The following ELMO1 variants were observed in gnomAD, a reference collection of about 807,000 sequenced individuals.
ELMO1 encodes the protein engulfment and cell motility 1.
Under a neutral mutation model 98.9 loss-of-function variants are expected in ELMO1, and 26 were observed. That is an observed-to-expected ratio of 0.26 (90% CI 0.19 to 0.36). The LOEUF (loss-of-function observed/expected upper bound fraction) is 0.36. Ranked by LOEUF, ELMO1 falls within the 10% of genes least tolerant of loss-of-function variation. The probability of loss-of-function intolerance (pLI) is 1.00; values close to 1 mark genes in which losing one functional copy is unlikely to be tolerated. For missense variants in ELMO1, 627 were observed against 935.2 expected, an observed-to-expected ratio of 0.67 and a Z score of 4.30; for synonymous variants, 346 against 346.0, an observed-to-expected ratio of 1.00 and a Z score of 0.00.
chr7:37,193,003 A>G (rs1001669153), intron 13 of ELMO1, among the ~76,000 whole-genome samples: 5 of 82,352 alleles, frequency 6.1e-5, no homozygotes, highest in Non-Finnish European at 7.1e-5. Flanking sequence ...ATATATATAT[A>G]TATATACACA....
chr7:37,401,635 G>T (rs180769264), intron 1 of ELMO1, among the ~76,000 whole-genome samples: 35 of 152,312 alleles, frequency 2.3e-4, no homozygotes, highest in Admixed American at 1.2e-3. Context: ...TGAAGGAGAA[G>T]AATTCAGGCA....
intron 18 of ELMO1, among the ~76,000 whole-genome samples, chr7:36,882,890 T>C (rs1804600121): frequency 6.6e-6 from 1 of 152,268 alleles, no homozygotes; most frequent in Non-Finnish European, 1.5e-5. Flanking sequence ...TATTCTGACC[T>C]ATTGGGAAGT....
At chr7:36,922,983 TCTCA>T (rs1322132506) in intron 16 of ELMO1, among the ~76,000 whole-genome samples, 2 of 152,156 alleles carry the variant, frequency 1.3e-5, no homozygotes, top group African/African-American at 2.4e-5. Flanking sequence ...TCTCTAGGGA[TCTCA>T]CTGTCACAGC....
chr7:37,346,009 CA>C (rs751352268), intron 1 of ELMO1, among the ~76,000 whole-genome samples: 164 of 147,800 alleles, frequency 1.1e-3, no homozygotes, highest in Non-Finnish European at 2.1e-3. Flanking sequence ...AAAAAAAAGA[CA>C]TCTGAGAGGT....
intron 13 of ELMO1, among the ~76,000 whole-genome samples, chr7:37,135,949 T>C (rs938631588): frequency 7.2e-5 from 11 of 152,294 alleles, no homozygotes; most frequent in Admixed American, 3.3e-4. Context: ...CAGAGAAAGT[T>C]GAGGTCCAAT....
At chr7:36,978,508 C>G (rs1236939241) in intron 16 of ELMO1, among the ~76,000 whole-genome samples, 3 of 151,678 alleles carry the variant, frequency 2.0e-5, no homozygotes, top group Admixed American at 2.0e-4. Context: ...TGTGAAAGAA[C>G]CAAAAATGTA....
intron 15 of ELMO1, among the ~76,000 whole-genome samples, chr7:37,058,499 G>A (rs760848762): frequency 6.8e-4 from 103 of 152,270 alleles, no homozygotes; most frequent in Non-Finnish European, 1.1e-3. Flanking sequence ...CCAACCAGAA[G>A]TGGGCAGAGA....
intron 15 of ELMO1, among the ~76,000 whole-genome samples, chr7:37,023,873 C>T (rs1392830936): frequency 1.3e-5 from 2 of 152,106 alleles, no homozygotes; most frequent in Admixed American, 6.5e-5. Flanking sequence ...CATGAGCCAC[C>T]GGCCTATGAA....
intron 13 of ELMO1, among the ~76,000 whole-genome samples, chr7:37,177,331 T>A (rs1002893925): frequency 6.6e-6 from 1 of 152,026 alleles, no homozygotes; most frequent in African/African-American, 2.4e-5. Flanking sequence ...ATTAAAAACA[T>A]CATGAGCACA....
At chr7:37,442,963 C>T (rs1026068224) in intron 1 of ELMO1, among the ~76,000 whole-genome samples, 2 of 152,234 alleles carry the variant, frequency 1.3e-5, no homozygotes, top group African/African-American at 2.4e-5. Context: ...CTCAGATGCA[C>T]TCTCTAAGTA....
At chr7:37,064,587 T>C (rs1796852758) in intron 15 of ELMO1, among the ~76,000 whole-genome samples, 1 of 152,180 alleles carries the variant, frequency 6.6e-6, no homozygotes. Flanking sequence ...TGCAGAACAG[T>C]GTTTGGCACA....
Position 36,974,917 on chromosome 7 carries a change from C to T in ELMO1, c.1437+38382G>A, listed in dbSNP as rs372794397. On this transcript the variant is annotated intron_variant, in intron 16 of 21. Coordinates refer to ENST00000310758, the MANE Select transcript of ELMO1 (RefSeq NM_014800.11). ...TAAGAGCTGTAACACTCACTGCGAA[C>T]GTCTGCAACTTCACTCCTGAGCCAG... Among the ~76,000 whole-genome samples, 62 of 151,726 alleles carry T rather than the reference C, an allele frequency of 4.1e-4. 1 individual carries two copies. Among genetic ancestry groups the T allele is most frequent in the African/African-American group, 1.4e-3 (60 of 41,396 alleles).
At chr7:37,079,118 G>A (rs1045996347) in intron 15 of ELMO1, among the ~76,000 whole-genome samples, 1 of 152,164 alleles carries the variant, frequency 6.6e-6, no homozygotes, top group Non-Finnish European at 1.5e-5. Context: ...TAAAGACAGA[G>A]ATATAGGTCT....
At chr7:37,167,257 A>C (rs1350881917) in intron 13 of ELMO1, among the ~76,000 whole-genome samples, 1 of 152,000 alleles carries the variant, frequency 6.6e-6, no homozygotes, top group African/African-American at 2.4e-5. Context: ...GGGTTTCCTG[A>C]ATACAGCACA....
At chr7:37,103,624 A>G (rs1784767304) in intron 14 of ELMO1, among the ~76,000 whole-genome samples, 1 of 152,068 alleles carries the variant, frequency 6.6e-6, no homozygotes, top group Non-Finnish European at 1.5e-5. Context: ...ACATGTATAC[A>G]TATGTAACTA....
At chr7:36,978,194 T>G (rs1268809030) in intron 16 of ELMO1, among the ~76,000 whole-genome samples, 1 of 152,146 alleles carries the variant, frequency 6.6e-6, no homozygotes, top group Non-Finnish European at 1.5e-5. Context: ...ATAAGGTAAC[T>G]GCATGCTACT....
chr7:37,051,621 C>T (rs946125297), intron 15 of ELMO1, among the ~76,000 whole-genome samples: 2 of 151,440 alleles, frequency 1.3e-5, no homozygotes, highest in African/African-American at 4.9e-5. Flanking sequence ...CTCACATGAA[C>T]TGTGGAAAGC....
chr7:37,389,810 A>G (rs186595511), intron 1 of ELMO1, among the ~76,000 whole-genome samples: 159 of 151,994 alleles, frequency 1.0e-3, no homozygotes, highest in Non-Finnish European at 1.5e-3. Context: ...AGAATGAAGC[A>G]CGGGCATCCC....
At chr7:37,284,639 T>C (rs1156264188) in intron 4 of ELMO1, among the ~76,000 whole-genome samples, 1 of 152,112 alleles carries the variant, frequency 6.6e-6, no homozygotes, top group Non-Finnish European at 1.5e-5. Context: ...ATACAACAAC[T>C]AGGAGAGTCA....
Sources: allele counts gnomAD v4.1 joint callset (sites outside exome capture counted in the v4.1 genomes callset), GRCh38; gene constraint gnomAD v4.1.1; transcripts MANE v1.5; gene names NCBI Gene and HGNC (gene_info 2026-07-23, HGNC 2026-07-21).